Variants in BMP1 observed in about 807,000 individuals in gnomAD.
BMP1 encodes mammalian tolloid protein.
BMP1 carries 63 observed loss-of-function variants against 116.8 expected under a neutral mutation model. That is an observed-to-expected ratio of 0.54 (90% CI 0.44 to 0.67). The LOEUF (loss-of-function observed/expected upper bound fraction) is 0.67. Ranked by LOEUF, BMP1 falls within the 30% of genes least tolerant of loss-of-function variation. The probability of loss-of-function intolerance (pLI) is 0.00; values close to 1 mark genes in which losing one functional copy is unlikely to be tolerated. For synonymous variants in BMP1, 536 were observed against 533.4 expected, an observed-to-expected ratio of 1.00 and a Z score of -0.07; for missense variants, 1,183 against 1,358.9, an observed-to-expected ratio of 0.87 and a Z score of 2.04.
At chr8:22,181,138 T>G (rs550686178) in intron 8 of BMP1, among the ~76,000 whole-genome samples, 1 of 152,292 alleles carries the variant, frequency 6.6e-6, no homozygotes, top group South Asian at 2.1e-4. Context: ...TCTGTGGGCC[T>G]GATTTTCTGT....
rs1217067198 is a variant in BMP1, at chr8:22,187,039, CTG to C, written c.1078-5008_1078-5007del. Among the ~76,000 whole-genome samples, 3 of 152,108 alleles carry C rather than the reference CTG, an allele frequency of 2.0e-5. No homozygotes were observed. In the East Asian group the frequency reaches 5.8e-4, roughly 29 times the overall value. ...TATTTTTTAGAGACAGAGTCTTACTCTGTTGCCCAGGCTGGAGTGCAGCTCAC... is the reference window on the plus strand; with the variant it reads ...TATTTTTTAGAGACAGAGTCTTACTCTTGCCCAGGCTGGAGTGCAGCTCAC... On this transcript the variant is annotated intron_variant, in intron 8 of 19. Transcript: ENST00000306385.
chr8:22,200,437 C>A (rs1367378880), intron 15 of BMP1, among the ~76,000 whole-genome samples: 1 of 152,174 alleles, frequency 6.6e-6, no homozygotes, highest in African/African-American at 2.4e-5. Context: ...TGCCTCTTCA[C>A]ACATAGGTGG....
intron 5 of BMP1, chr8:22,177,478 G>A (rs543465476): frequency 4.3e-6 from 3 of 701,572 alleles, no homozygotes; most frequent in African/African-American, 3.4e-5. Flanking sequence ...CCCACTATCT[G>A]CCCTCTGCCT....
rs1289092974 is a variant in BMP1 at position 22,195,193 on chromosome 8, G to A, written c.1640-269G>A. The stretch of plus-strand genomic sequence containing the variant: ...GGCAGGATATTCTCCCTGAACCTCA[G>A]TTTCTCATCTGTAAAATGGGCACAG... On this transcript the variant is annotated intron_variant, in intron 12 of 19. Transcript: ENST00000306385. Among the ~76,000 whole-genome samples the A allele has an allele frequency of 1.3e-5, 2 of 152,202 alleles. 1 individual carries two copies. Among genetic ancestry groups the A allele is most frequent in the Admixed American group, 1.3e-4 (2 of 15,288 alleles).
rs575020753 is a variant in BMP1, at chr8:22,196,128, T to A, written c.1765+541T>A. On this transcript the variant is annotated intron_variant, in intron 13 of 19. Coordinates refer to ENST00000306385, the MANE Select transcript of BMP1 (RefSeq NM_006129.5). ...TTTTCATTCTTGGGGTGTTTTCGGG[T>A]TTTTTTTGTAAATGACCATCTTGAC... 91 of 497,344 alleles carry A rather than the reference T, an allele frequency of 1.8e-4. 1 individual carries two copies. Among genetic ancestry groups the A allele is most frequent in the South Asian group, 1.3e-3 (90 of 68,696 alleles). The allele number at this position is 497,344 out of a possible 1,614,324, so 30.8% of individuals were successfully genotyped here.
chr8:22,207,343 C>T lies in BMP1; in HGVS notation c.2402C>T (p.Ala801Val). ...GACATCGAGTCCCAGCCTGAGTGTGCCTACGACCACCTAGAGGTGTTCGAC... is the reference window on the plus strand; with the variant it reads ...GACATCGAGTCCCAGCCTGAGTGTGTCTACGACCACCTAGAGGTGTTCGAC... ...EMDIESQPEC[A>V]YDHLEVFDGR... Residue 801 changes from alanine (A) to valine (V), a missense_variant, in exon 18 of 20, where the codon GCC becomes GTC. Transcript: ENST00000306385. The T allele has an allele frequency of 6.2e-7, 1 of 1,614,046 alleles. No homozygotes were observed. The highest frequency in any genetic ancestry group is 8.5e-7 in the Non-Finnish European group (1 of 1,179,896).
intron 1 of BMP1, among the ~76,000 whole-genome samples, chr8:22,166,982 T>G (rs1828132107): frequency 6.6e-6 from 1 of 152,226 alleles, no homozygotes; most frequent in Non-Finnish European, 1.5e-5. Flanking sequence ...AACTGCCACT[T>G]TCACACCTGT....
At chr8:22,206,697 C>G (rs1829363047) in intron 16 of BMP1, among the ~76,000 whole-genome samples, 157 bp from the exon 17 acceptor site, 1 of 152,054 alleles carries the variant, frequency 6.6e-6, no homozygotes, top group Non-Finnish European at 1.5e-5. Flanking sequence ...ACGCAGTAAC[C>G]TCATGAAAAA....
intron 19 of BMP1, among the ~76,000 whole-genome samples, chr8:22,210,316 G>T (rs184733253): frequency 1.3e-5 from 2 of 151,286 alleles, no homozygotes; most frequent in East Asian, 1.9e-4. Flanking sequence ...GGCTAGCCTC[G>T]TGGGGAGGAT....
intron 5 of BMP1, 186 bp from the exon 6 acceptor site, chr8:22,177,666 G>C (rs1366342041): frequency 1.3e-6 from 1 of 763,702 alleles, no homozygotes; most frequent in African/African-American, 1.7e-5. Context: ...GCCCTCTGCT[G>C]GACAGGACTC....
intron 8 of BMP1, among the ~76,000 whole-genome samples, chr8:22,189,708 C>A (rs1241369451): frequency 6.6e-6 from 1 of 151,908 alleles, no homozygotes; most frequent in African/African-American, 2.4e-5. Flanking sequence ...CTCAAGCGAT[C>A]CTCTTGCCTC....
intron 8 of BMP1, among the ~76,000 whole-genome samples, chr8:22,188,359 G>A (rs1441448852): frequency 6.6e-6 from 1 of 151,964 alleles, no homozygotes; most frequent in Non-Finnish European, 1.5e-5. Context: ...TTGTAGAGAT[G>A]GGGTCTCACT....
chr8:22,179,960 C>T lies in BMP1; in HGVS notation c.961+131C>T, dbSNP rs1254314545. ...GAATGGTGTGGCGGGGGAGGGGACC[C>T]CATAGGAGGGGCAGTGTCCAAGTGA... On this transcript the variant is annotated intron_variant, in intron 7 of 19. Transcript: ENST00000306385. This position sits in a 1 kb window ranked among gnomAD's most constrained non-coding sequence, Gnocchi z 4.6. The T allele has an allele frequency of 1.9e-6, 2 of 1,070,052 alleles. No individual in the cohort carries two copies. Among genetic ancestry groups the T allele is most frequent in the Non-Finnish European group, 2.6e-6 (2 of 758,692 alleles). The allele number at this position is 1,070,052 out of a possible 1,614,324, so 66.3% of individuals were successfully genotyped here.
chr8:22,196,701 C>T lies in BMP1; in HGVS notation c.1787C>T (p.Thr596Ile). Residue 596 changes from threonine (T) to isoleucine (I), a missense_variant, in exon 14 of 20, where the codon ACC (threonine) becomes ATC (isoleucine). Around this residue, in one of 4 missense-constraint regions of BMP1, gnomAD observed 956 missense variants for 1,135.2 expected, o/e 0.84. Coordinates refer to ENST00000306385, the MANE Select transcript of BMP1 (RefSeq NM_006129.5). ...GCAGCTGCTTGTGGCGGATTCCTCA[C>T]CAAGCTCAACGGCTCCATCACCAGC... ...RCEAACGGFL[T>I]KLNGSITSPG... 1 of 1,614,134 alleles carries T rather than the reference C, an allele frequency of 6.2e-7. No homozygotes were observed. The highest frequency in any genetic ancestry group is 8.5e-7 in the Non-Finnish European group (1 of 1,180,024).
intron 3 of BMP1, 30 bp from the exon 4 acceptor site, chr8:22,176,494 CTGGACACCG>C: frequency 6.2e-7 from 1 of 1,607,002 alleles, no homozygotes; most frequent in Non-Finnish European, 8.5e-7. Context: ...GTGGGACTGC[CTGGACACCG>C]TGGCAACCTG....
At position 22,180,396 on chromosome 8, in the gene BMP1, AG is replaced by A; in HGVS notation, c.992del (p.Gly331AlafsTer32). 4 of 1,614,012 alleles carry A rather than the reference AG, an allele frequency of 2.5e-6. No homozygotes were observed. The highest frequency in any genetic ancestry group is 8.5e-7 in the Non-Finnish European group (1 of 1,179,912). On this transcript the variant is annotated frameshift_variant, in exon 8 of 20. Coordinates refer to ENST00000306385, the MANE Select transcript of BMP1 (RefSeq NM_006129.5). LOFTEE classifies it high-confidence loss of function. The stretch of plus-strand genomic sequence containing the variant: ...GTGGAGAGACCCTGCAAGACAGCAC[AG>A]GCAACTTCTCCTCCCCTGAATACCC... ...ACGETLQDSTGNFSSPEYPNG... is the reference protein window; with the variant it reads ...ACGETLQDSTXNFSSPEYPNG...
chr8:22,209,872 GAC>G (rs1194285531), intron 19 of BMP1, among the ~76,000 whole-genome samples, 177 bp downstream of exon 19: 3 of 152,266 alleles, frequency 2.0e-5, no homozygotes, highest in Non-Finnish European at 4.4e-5. Context: ...GCTACTCAGA[GAC>G]ACTGCCCCAT....
At chr8:22,183,395 G>T (rs554091749) in intron 8 of BMP1, among the ~76,000 whole-genome samples, 32 of 152,208 alleles carry the variant, frequency 2.1e-4, no homozygotes, top group Middle Eastern at 6.8e-3. Context: ...ATGCCAGGGG[G>T]GCAGAGCGAG....
At chr8:22,196,055 C>T in intron 13 of BMP1, 1 of 381,356 alleles carries the variant, frequency 2.6e-6, no homozygotes, top group South Asian at 1.9e-5. Flanking sequence ...ACCCCGAGAA[C>T]ACACTGTCCC....
Sources: allele counts gnomAD v4.1 joint callset (sites outside exome capture counted in the v4.1 genomes callset), GRCh38; gene constraint gnomAD v4.1.1; regional missense constraint gnomAD v4.1.1; non-coding constraint Gnocchi (gnomAD v3.1); transcripts MANE v1.5; gene names NCBI Gene and HGNC (gene_info 2026-07-23, HGNC 2026-07-21).